Variants in COL4A3 observed in about 807,000 individuals in gnomAD.
The protein encoded by COL4A3 is collagen type IV alpha 3 chain.
COL4A3 carries 135 observed loss-of-function variants against 217.4 expected under a neutral mutation model. The ratio of observed to expected loss-of-function variants is 0.62; its 90% CI spans 0.54 to 0.72. COL4A3 has a LOEUF of 0.72. COL4A3 is among the 30% of genes least tolerant of loss of function. COL4A3 has a pLI of 0.00. For missense variants in COL4A3, 1,868 were observed against 2,119.9 expected (o/e 0.88, Z 2.33); for synonymous variants, 690 against 736.3 (o/e 0.94, Z 1.02).
At chr2:227,236,630 A>C (rs1308408683) in intron 1 of COL4A3, among the ~76,000 whole-genome samples, 2 of 152,150 alleles carry the variant, frequency 1.3e-5, no homozygotes, top group African/African-American at 4.8e-5. Context: ...TTAATATGTA[A>C]CCATATAATA....
In COL4A3 at chr2:227,256,339, T is replaced by G; in HGVS notation, c.934-4T>G. On this transcript the variant is annotated splice_region_variant and splice_polypyrimidine_tract_variant and intron_variant, in intron 16 of 51. Coordinates refer to ENST00000396578, the MANE Select transcript of COL4A3 (RefSeq NM_000091.5). Reference sequence around the variant, plus strand: ...GACCCATTTCTTTTTGTTCTTTTCTTTAGGGAGTCAAGGGCAACAGGGGTT... The same window carrying G: ...GACCCATTTCTTTTTGTTCTTTTCTGTAGGGAGTCAAGGGCAACAGGGGTT... 6.2e-7 allele frequency: 1 copy of G among 1,613,598 alleles called. No homozygotes were observed. The highest frequency in any genetic ancestry group is 8.5e-7 in the Non-Finnish European group (1 of 1,179,564).
At chr2:227,188,871 T>C (rs55917923) in intron 1 of COL4A3, among the ~76,000 whole-genome samples, 18,278 of 152,120 alleles carry the variant, frequency 0.12, 1,414 homozygotes, top group East Asian at 0.3. Context: ...TCCAGTATAG[T>C]AAGAGTTATG....
chr2:227,309,297 G>A lies in COL4A3; in HGVS notation c.4734G>A (p.Trp1578Ter), dbSNP rs2073646276. 6.2e-7 allele frequency: 1 copy of A among 1,614,018 alleles called. No individual in the cohort carries two copies. Among genetic ancestry groups the A allele is most frequent in the Non-Finnish European group, 8.5e-7 (1 of 1,179,948 alleles). ...GTCCTCACGGCTGGATTTCTCTCTG[G>A]AAAGGATTTTCATTCATCATGGTGA... ...PPCPHGWISL[W>*]KGFSFIMFTS... Residue 1578 changes from tryptophan (W) to a stop codon, truncating the protein, a stop_gained, in exon 50 of 52, where the codon TGG (tryptophan) becomes TGA (stop). Coordinates refer to ENST00000396578, the MANE Select transcript of COL4A3 (RefSeq NM_000091.5). LOFTEE classifies it high-confidence loss of function.
rs2066817332 is a variant in COL4A3, at chr2:227,202,982, CATATGTGTATATATGTGTATATATACAT to C, written c.88-34905_88-34878del. Among the ~76,000 whole-genome samples the C allele has an allele frequency of 2.2e-3, 13 of 5,840 alleles. 1 individual carries two copies. Among genetic ancestry groups the C allele is most frequent in the Non-Finnish European group, 3.0e-3 (10 of 3,328 alleles). The allele number at this position is 5,840 out of a possible 152,430, so 3.8% of individuals were successfully genotyped here. ...ATATGTGTATATATGTGTATATATA[CATATGTGTATATATGTGTATATATACAT>C]ATATGTGTATATATGTGTATATATA... On this transcript the variant is annotated intron_variant, in intron 1 of 51. Coordinates refer to ENST00000396578, the MANE Select transcript of COL4A3 (RefSeq NM_000091.5).
In COL4A3 at chr2:227,282,326, T is replaced by C; in HGVS notation, c.2489-39T>C. ...TTTCTGAAGTTAGTAGGGGAAAGCA[T>C]TTGTGGGTTAATTAATTCATTCATT... On this transcript the variant is annotated intron_variant, in intron 31 of 51. Transcript: ENST00000396578. This position sits in a 1 kb window ranked among gnomAD's most constrained non-coding sequence, Gnocchi z 4.4. 6.6e-7 allele frequency: 1 copy of C among 1,504,830 alleles called. No individual in the cohort carries two copies. Among genetic ancestry groups the C allele is most frequent in the East Asian group, 2.3e-5 (1 of 42,814 alleles). 93.2% of individuals were successfully genotyped at this position (1,504,830 alleles called of 1,614,324 possible).
intron 4 of COL4A3, 80 bp from the exon 5 acceptor site, chr2:227,244,871 T>G (rs2125906138): frequency 1.4e-6 from 2 of 1,390,334 alleles, no homozygotes; most frequent in African/African-American, 1.4e-5. Flanking sequence ...ATCGCAATGG[T>G]AAATAAATTT....
intron 1 of COL4A3, among the ~76,000 whole-genome samples, chr2:227,173,575 CA>C (rs1300497667): frequency 6.6e-6 from 1 of 152,104 alleles, no homozygotes; most frequent in African/African-American, 2.4e-5. Context: ...CACACACCTA[CA>C]AAACTTCGGG....
intron 18 of COL4A3, among the ~76,000 whole-genome samples, 180 bp from the exon 19 acceptor site, chr2:227,259,613 T>C (rs1175441497): frequency 6.6e-6 from 1 of 152,242 alleles, no homozygotes; most frequent in Non-Finnish European, 1.5e-5. Flanking sequence ...GGTCTACTTA[T>C]TTAAATTTTT....
chr2:227,273,262 A>G (rs1305781197), intron 26 of COL4A3, 145 bp downstream of exon 26: 4 of 911,790 alleles, frequency 4.4e-6, no homozygotes, highest in Non-Finnish European at 6.9e-6. Flanking sequence ...ACCAGGAAAG[A>G]ATATGTAGGG....
At chr2:227,222,313 TGATTC>T (rs1161449101) in intron 1 of COL4A3, 1 of 152,202 alleles carries the variant, frequency 6.6e-6, no homozygotes, top group Non-Finnish European at 1.5e-5. Flanking sequence ...CTGTTCTGCC[TGATTC>T]ATGTTCATTT....
At chr2:227,274,493 G>A (rs1029506328) in intron 26 of COL4A3, among the ~76,000 whole-genome samples, 2 of 150,272 alleles carry the variant, frequency 1.3e-5, no homozygotes, top group African/African-American at 4.9e-5. Flanking sequence ...CCTTACTTTG[G>A]AGCTGCTTTT....
intron 1 of COL4A3, among the ~76,000 whole-genome samples, chr2:227,226,231 T>C (rs1221196606): frequency 1.3e-5 from 2 of 152,194 alleles, no homozygotes; most frequent in Non-Finnish European, 2.9e-5. Flanking sequence ...TATTGCCCTG[T>C]GAAGTTCAAA....
intron 26 of COL4A3, among the ~76,000 whole-genome samples, chr2:227,273,719 G>A (rs900876527): frequency 6.6e-6 from 1 of 152,048 alleles, no homozygotes; most frequent in African/African-American, 2.4e-5. Context: ...CCACAAATTT[G>A]TTGATTTTGA....
At chr2:227,215,349 T>TATG (rs57613489) in intron 1 of COL4A3, among the ~76,000 whole-genome samples, 11,597 of 152,250 alleles carry the variant, frequency 0.076, 646 homozygotes, top group African/African-American at 0.15. Context: ...CTTACAAAAA[T>TATG]ATCATATAAA....
intron 38 of COL4A3, 177 bp from the exon 39 acceptor site, chr2:227,294,313 C>T: frequency 1.5e-6 from 1 of 671,060 alleles, no homozygotes; most frequent in Non-Finnish European, 2.7e-6. Context: ...CATCTCTGCA[C>T]TGGTTCTCCA....
chr2:227,276,476 T>TG lies in COL4A3; in HGVS notation c.2020+1dup. On this transcript the variant is annotated frameshift_variant and splice_region_variant, in exon 27 of 52. Coordinates refer to ENST00000396578, the MANE Select transcript of COL4A3 (RefSeq NM_000091.5). LOFTEE classifies it high-confidence loss of function. Reference sequence around the variant, plus strand: ...GCCATCCTGGCCCCCAAGGTCCACCTGGTAAGTATCCTCTGCCAAATCTGG... The same window carrying TG: ...GCCATCCTGGCCCCCAAGGTCCACCTGGGTAAGTATCCTCTGCCAAATCTGG... 2 of 1,612,560 alleles carry TG rather than the reference T, an allele frequency of 1.2e-6. No individual in the cohort carries two copies. Among genetic ancestry groups the TG allele is most frequent in the Non-Finnish European group, 1.7e-6 (2 of 1,178,552 alleles).
intron 1 of COL4A3, among the ~76,000 whole-genome samples, chr2:227,199,897 G>A (rs184684450): frequency 7.2e-4 from 109 of 152,316 alleles, no homozygotes; most frequent in Non-Finnish European, 1.5e-3. Flanking sequence ...TAATAGGAAG[G>A]CTGCAGCAAG....
At chr2:227,222,114 C>T (rs1323468870) in intron 1 of COL4A3, among the ~76,000 whole-genome samples, 3 of 140,680 alleles carry the variant, frequency 2.1e-5, no homozygotes, top group African/African-American at 5.2e-5. Flanking sequence ...CATACGGAGA[C>T]ACTGTCTCTA....
chr2:227,309,194 C>T lies in COL4A3; in HGVS notation c.4641-10C>T, dbSNP rs372750433. The T allele has an allele frequency of 3.7e-6, 6 of 1,613,782 alleles. No homozygotes were observed. Among genetic ancestry groups the T allele is most frequent in the Non-Finnish European group, 5.1e-6 (6 of 1,179,750 alleles). On this transcript the variant is annotated splice_polypyrimidine_tract_variant and intron_variant, in intron 49 of 51. Coordinates refer to ENST00000396578, the MANE Select transcript of COL4A3 (RefSeq NM_000091.5). The stretch of plus-strand genomic sequence containing the variant: ...GGCAATGCCGCCATAGTCTTTGTTT[C>T]ATGTTACAGATGCACTGTTTGTGAA...
Sources: allele counts gnomAD v4.1 joint callset (sites outside exome capture counted in the v4.1 genomes callset), GRCh38; gene constraint gnomAD v4.1.1; non-coding constraint Gnocchi (gnomAD v3.1); transcripts MANE v1.5; gene names NCBI Gene and HGNC (gene_info 2026-07-23, HGNC 2026-07-21).